Variants in CCDC125 observed in about 807,000 individuals in gnomAD.
CCDC125 encodes the protein coiled-coil domain-containing protein 125.
A neutral mutation model predicts 57.4 loss-of-function variants in CCDC125; 43 were observed. The observed-to-expected ratio is 0.75, with a 90% confidence interval of 0.59 to 0.97. CCDC125 has a LOEUF of 0.97. CCDC125 is among the 50% of genes least tolerant of loss of function. The pLI, the probability that CCDC125 is intolerant of heterozygous loss-of-function variation, is 0.00. For missense variants in CCDC125, 563 were observed against 595.7 expected, an observed-to-expected ratio of 0.95 and a Z score of 0.57; for synonymous variants, 187 against 195.2, an observed-to-expected ratio of 0.96 and a Z score of 0.35.
At chr5:69,309,461 G>C in intron 4 of CCDC125, 1 of 152,242 alleles carries the variant, frequency 6.6e-6, no homozygotes, top group East Asian at 1.9e-4. Flanking sequence ...CCAAGCCTTG[G>C]CAGCTTCCAC....
intron 6 of CCDC125, among the ~76,000 whole-genome samples, chr5:69,304,433 T>TC (rs1757013112): frequency 1.3e-5 from 2 of 150,006 alleles, no homozygotes; most frequent in Middle Eastern, 3.2e-3. Flanking sequence ...TTTTTTTTTT[T>TC]TTTTCTTTTT....
chr5:69,305,034 TAA>T (rs527680073), intron 6 of CCDC125, among the ~76,000 whole-genome samples: 4 of 134,012 alleles, frequency 3.0e-5, no homozygotes, highest in Non-Finnish European at 1.6e-5. Flanking sequence ...ACAACTGCTC[TAA>T]AAAAAAAAAA....
intron 2 of CCDC125, among the ~76,000 whole-genome samples, chr5:69,318,126 TG>T (rs1013470105): frequency 6.6e-6 from 1 of 151,374 alleles, no homozygotes; most frequent in African/African-American, 2.4e-5. Context: ...GGATTACAGG[TG>T]CACGCCACCA....
intron 1 of CCDC125, among the ~76,000 whole-genome samples, chr5:69,326,036 G>A (rs1452889231): frequency 6.6e-6 from 1 of 151,778 alleles, no homozygotes; most frequent in Non-Finnish European, 1.5e-5. Flanking sequence ...GTAGAAACAG[G>A]GTCTCGGGCC....
chr5:69,276,573 C>G (rs1219644441), downstream of CCDC125: 3 of 1,613,382 alleles, frequency 1.9e-6, no homozygotes, highest in East Asian at 6.7e-5. Context: ...CAGTAATCGG[C>G]CAGGGCCAAC....
chr5:69,292,064 C>T, intron 10 of CCDC125, 124 bp downstream of exon 10: 3 of 889,284 alleles, frequency 3.4e-6, no homozygotes, highest in African/African-American at 1.7e-5. Context: ...TTAAGTAAAC[C>T]ACAACCATAT....
downstream of CCDC125, among the ~76,000 whole-genome samples, chr5:69,275,304 A>G (rs1752004645): frequency 6.6e-6 from 1 of 152,214 alleles, no homozygotes; most frequent in Non-Finnish European, 1.5e-5. Context: ...ATTAGAATCC[A>G]TTGGTTCCAA....
At chr5:69,311,370 G>A (rs954102402) in intron 3 of CCDC125, among the ~76,000 whole-genome samples, 166 bp from the exon 4 acceptor site, 7 of 152,082 alleles carry the variant, frequency 4.6e-5, no homozygotes, top group African/African-American at 7.2e-5. Flanking sequence ...TGAAAGCCTC[G>A]GCCGGGCAAG....
At chr5:69,315,462 CA>C (rs1227842099) in intron 2 of CCDC125, among the ~76,000 whole-genome samples, 4 of 24,710 alleles carry the variant, frequency 1.6e-4, no homozygotes, top group Non-Finnish European at 3.1e-4. Flanking sequence ...AAAAAAAAAA[CA>C]AAAAAAAAAA....
intron 10 of CCDC125, 62 bp downstream of exon 10, chr5:69,292,126 T>C (rs946633050): frequency 6.4e-6 from 9 of 1,402,748 alleles, no homozygotes; most frequent in Non-Finnish European, 7.8e-6. Flanking sequence ...CTTCATCAAC[T>C]TGGATTATAA....
intron 1 of CCDC125, among the ~76,000 whole-genome samples, chr5:69,323,354 T>C (rs1760338901): frequency 6.6e-6 from 1 of 152,066 alleles, no homozygotes; most frequent in African/African-American, 2.4e-5. Context: ...AGGTATCATA[T>C]TTGCATATTA....
At chr5:69,290,433 G>A (rs1718500746) in intron 10 of CCDC125, among the ~76,000 whole-genome samples, 1 of 150,832 alleles carries the variant, frequency 6.6e-6, no homozygotes, top group African/African-American at 2.4e-5. Flanking sequence ...TTCCCGAGTA[G>A]CTGGGATTAC....
At chr5:69,298,874 G>A (rs887559085) in intron 8 of CCDC125, among the ~76,000 whole-genome samples, 3 of 152,176 alleles carry the variant, frequency 2.0e-5, no homozygotes, top group Admixed American at 6.6e-5. Context: ...TCTACAGGCT[G>A]CAAATCCCAG....
chr5:69,288,533 C>T (rs1375962936), intron 10 of CCDC125, among the ~76,000 whole-genome samples: 2 of 152,174 alleles, frequency 1.3e-5, no homozygotes, highest in African/African-American at 4.8e-5. Context: ...TCCCTTCCCA[C>T]GTGCCTTGCC....
intron 8 of CCDC125, among the ~76,000 whole-genome samples, chr5:69,295,388 TA>T (rs906947901): frequency 2.0e-5 from 3 of 151,760 alleles, no homozygotes; most frequent in African/African-American, 7.3e-5. Context: ...CCTCCACTCC[TA>T]AAAAAAATAA....
chr5:69,294,484 G>A (rs1334467607), intron 9 of CCDC125, among the ~76,000 whole-genome samples: 1 of 152,022 alleles, frequency 6.6e-6, no homozygotes, highest in East Asian at 1.9e-4. Context: ...GTAGAGACGT[G>A]GTTTTACCAT....
chr5:69,316,435 G>C (rs1482155285), intron 2 of CCDC125, among the ~76,000 whole-genome samples: 2 of 152,318 alleles, frequency 1.3e-5, no homozygotes, highest in Admixed American at 6.5e-5. Flanking sequence ...AAGATGGGGA[G>C]GGGGCCATGA....
At chr5:69,304,008 G>A in intron 6 of CCDC125, 79 bp from the exon 7 acceptor site, 2 of 737,578 alleles carry the variant, frequency 2.7e-6, no homozygotes, top group Non-Finnish European at 4.4e-6. Context: ...GCCATAATTG[G>A]AACACAAAAA....
Position 69,306,902 on chromosome 5 carries a change from C to G in CCDC125, c.532G>C (p.Glu178Gln). 6.7e-7 allele frequency: 1 copy of G among 1,497,792 alleles called. No homozygotes were observed. The highest frequency in any genetic ancestry group is 8.9e-7 in the Non-Finnish European group (1 of 1,127,774). The allele number at this position is 1,497,792 out of a possible 1,614,324, so 92.8% of individuals were successfully genotyped here. A position where few individuals can be genotyped will look rare whatever the true frequency, so the allele number is the denominator to read the frequency against. The change falls in exon 6 of 12, where the codon GAA (glutamate) becomes CAA (glutamine). Residue 178 changes from glutamate (E) to glutamine (Q), a missense_variant and splice_region_variant. Coordinates refer to ENST00000396496, the MANE Select transcript of CCDC125 (RefSeq NM_176816.5). The part of the protein sequence containing the change: ...TMEQNRSLEK[E>Q]INALQWEIEF... ...ATTTCCCACTGCAAGGCATTTATTT[C>G]CTATGGAAAGAAAATAGTACCTTCA...
Sources: gnomAD v4.1 joint callset for allele counts (sites outside exome capture counted in the v4.1 genomes callset) on GRCh38, gnomAD v4.1.1 for gene constraint, MANE v1.5 for transcripts, NCBI Gene and HGNC (gene_info 2026-07-23, HGNC 2026-07-21) for gene names.